The following COP1 variants were observed in gnomAD, a reference collection of about 807,000 sequenced individuals.
COP1 encodes the protein E3 ubiquitin-protein ligase COP1.
A neutral mutation model predicts 101.3 loss-of-function variants in COP1; 24 were observed. The ratio of observed to expected loss-of-function variants is 0.24; its 90% CI spans 0.17 to 0.33. The LOEUF (loss-of-function observed/expected upper bound fraction) is 0.33. Among genes scored for constraint, COP1 ranks in the 10% least tolerant of loss-of-function variants. The probability of loss-of-function intolerance (pLI) is 1.00; values close to 1 mark genes in which losing one functional copy is unlikely to be tolerated. For missense variants in COP1, 663 were observed against 906.2 expected, an observed-to-expected ratio of 0.73 and a Z score of 3.45; for synonymous variants, 347 against 341.9, an observed-to-expected ratio of 1.01 and a Z score of -0.17.
At chr1:176,020,598 A>G (rs1485826767) in intron 15 of COP1, among the ~76,000 whole-genome samples, 2 of 152,124 alleles carry the variant, frequency 1.3e-5, no homozygotes, top group Non-Finnish European at 2.9e-5. Context: ...GAATCGCTCT[A>G]CCTGTGCGGT....
chr1:176,104,832 G>A (rs1023049476), intron 9 of COP1, among the ~76,000 whole-genome samples: 2 of 152,024 alleles, frequency 1.3e-5, no homozygotes, highest in Admixed American at 1.3e-4. Flanking sequence ...AAAATACATA[G>A]GCACAAATTA....
chr1:175,982,572 G>C (rs1365685592), intron 18 of COP1, among the ~76,000 whole-genome samples: 1 of 152,002 alleles, frequency 6.6e-6, no homozygotes, highest in African/African-American at 2.4e-5. Context: ...AATTGTTTAT[G>C]TTATTGGTAA....
intron 5 of COP1, among the ~76,000 whole-genome samples, chr1:176,151,353 A>AAAGAAAG (rs1692461362): frequency 8.6e-6 from 1 of 115,992 alleles, no homozygotes; most frequent in Non-Finnish European, 1.7e-5. Context: ...GAAAGAAAGA[A>AAAGAAAG]AAAGAAAGAA....
intron 14 of COP1, among the ~76,000 whole-genome samples, chr1:176,037,747 T>TA (rs1405811587): frequency 6.6e-6 from 1 of 152,156 alleles, no homozygotes; most frequent in Non-Finnish European, 1.5e-5. Flanking sequence ...TCCATCATGA[T>TA]AAAAATTCTC....
chr1:176,038,383 T>C (rs890961508), intron 14 of COP1, among the ~76,000 whole-genome samples: 2 of 152,210 alleles, frequency 1.3e-5, no homozygotes, highest in African/African-American at 4.8e-5. Flanking sequence ...ATGTAGGTAC[T>C]AGCAACTTGA....
chr1:175,961,675 AAC>A (rs1373272303), intron 18 of COP1, among the ~76,000 whole-genome samples: 1 of 141,906 alleles, frequency 7.0e-6, no homozygotes, highest in Non-Finnish European at 1.5e-5. Context: ...CAGCCTGGGT[AAC>A]AGAGTGAGAC....
chr1:176,118,881 A>G (rs1686639711), intron 8 of COP1, among the ~76,000 whole-genome samples: 1 of 152,246 alleles, frequency 6.6e-6, no homozygotes, highest in Non-Finnish European at 1.5e-5. Context: ...GCATGTAAAA[A>G]ATATCACAAG....
chr1:175,945,269 T>TA (rs1649021269), intron 19 of COP1, 99 bp from the exon 20 acceptor site: 6 of 842,396 alleles, frequency 7.1e-6, no homozygotes, highest in South Asian at 1.8e-5. Context: ...AAAGCAAATT[T>TA]AAAAAACGTT....
chr1:175,952,763 A>C (rs952000974), intron 18 of COP1, among the ~76,000 whole-genome samples: 1 of 151,980 alleles, frequency 6.6e-6, no homozygotes, highest in Non-Finnish European at 1.5e-5. Context: ...AAAAAAAAAC[A>C]TTAACCAGGC....
chr1:176,104,599 G>A (rs1165861102), intron 9 of COP1, among the ~76,000 whole-genome samples: 1 of 152,114 alleles, frequency 6.6e-6, no homozygotes, highest in East Asian at 1.9e-4. Context: ...ACTATTCTGA[G>A]ATATATTTCT....
chr1:175,998,788 A>G (rs571476697), intron 15 of COP1, among the ~76,000 whole-genome samples: 3 of 152,116 alleles, frequency 2.0e-5, no homozygotes, highest in Admixed American at 6.6e-5. Flanking sequence ...TTCAAAAAAC[A>G]TAAGGTAATC....
intron 6 of COP1, among the ~76,000 whole-genome samples, chr1:176,146,119 T>C (rs1191878366): frequency 2.0e-5 from 3 of 152,130 alleles, no homozygotes; most frequent in East Asian, 1.9e-4. Flanking sequence ...GTAAATTTAA[T>C]AGGTATCAAA....
chr1:176,082,478 T>A (rs1025814935), intron 10 of COP1, among the ~76,000 whole-genome samples: 5 of 152,180 alleles, frequency 3.3e-5, no homozygotes, highest in Non-Finnish European at 7.3e-5. Context: ...ACTGTTTGCA[T>A]GACGAAATTT....
chr1:176,112,573 C>T (rs61821008), intron 9 of COP1, among the ~76,000 whole-genome samples: 1 of 152,150 alleles, frequency 6.6e-6, no homozygotes, highest in East Asian at 1.9e-4. Context: ...AACACTGCAA[C>T]TCTTCTCTTC....
chr1:175,960,730 C>T (rs1651237315), intron 18 of COP1, among the ~76,000 whole-genome samples: 1 of 152,130 alleles, frequency 6.6e-6, no homozygotes, highest in Non-Finnish European at 1.5e-5. Flanking sequence ...GCTAACTTAG[C>T]CATTAGAAAC....
At chr1:175,994,510 CAG>C (rs1165752738) in intron 15 of COP1, among the ~76,000 whole-genome samples, 5 of 152,140 alleles carry the variant, frequency 3.3e-5, no homozygotes, top group African/African-American at 1.2e-4. Context: ...GTCTCACGTG[CAG>C]AGACACACAT....
intron 11 of COP1, among the ~76,000 whole-genome samples, chr1:176,072,009 T>C (rs1165911635): frequency 5.3e-5 from 8 of 152,356 alleles, no homozygotes; most frequent in Admixed American, 2.0e-4. Context: ...GTAGTGACTT[T>C]CAAAGTTTAA....
chr1:176,081,373 A>G, intron 10 of COP1, 86 bp from the exon 11 acceptor site: 1 of 1,041,486 alleles, frequency 9.6e-7, no homozygotes, highest in Non-Finnish European at 1.3e-6. Flanking sequence ...ATTAAAATTT[A>G]TATTCTAAAT....
At chr1:176,149,182 G>A (rs1692038605) in intron 5 of COP1, 108 bp from the exon 6 acceptor site, 1 of 510,666 alleles carries the variant, frequency 2.0e-6, no homozygotes, top group South Asian at 4.8e-5. Context: ...ACCCATTTAA[G>A]TTCGTCTATT....
Sources: gnomAD v4.1 joint callset for allele counts (sites outside exome capture counted in the v4.1 genomes callset) on GRCh38, gnomAD v4.1.1 for gene constraint, MANE v1.5 for transcripts, NCBI Gene and HGNC (gene_info 2026-07-23, HGNC 2026-07-21) for gene names.